PRKCA: variants seen among roughly 807,000 people sequenced by gnomAD.
PRKCA encodes protein kinase C alpha type.
A neutral mutation model predicts 87.0 loss-of-function variants in PRKCA; 27 were observed. The ratio of observed to expected loss-of-function variants is 0.31; its 90% CI spans 0.23 to 0.43. The LOEUF is 0.43. Among genes scored for constraint, PRKCA ranks in the 20% least tolerant of loss-of-function variants. PRKCA has a pLI of 1.00. For missense variants in PRKCA, 518 were observed against 852.3 expected, an observed-to-expected ratio of 0.61 and a Z score of 4.88; for synonymous variants, 329 against 311.1, an observed-to-expected ratio of 1.06 and a Z score of -0.61.
At chr17:66,560,412 A>C (rs1340879175) in intron 3 of PRKCA, among the ~76,000 whole-genome samples, 2 of 152,186 alleles carry the variant, frequency 1.3e-5, no homozygotes, top group East Asian at 3.8e-4. Context: ...GGAAAGCACA[A>C]AAAATTGTCT....
chr17:66,338,604 T>A (rs947972701), intron 2 of PRKCA, among the ~76,000 whole-genome samples: 2 of 152,138 alleles, frequency 1.3e-5, no homozygotes, highest in African/African-American at 4.8e-5. Context: ...ACATATGGGG[T>A]TTCCAGGCTG....
chr17:66,650,571 A>G (rs140563770), intron 5 of PRKCA, among the ~76,000 whole-genome samples: 1 of 152,284 alleles, frequency 6.6e-6, no homozygotes, highest in African/African-American at 2.4e-5. Context: ...AGAAGAGTCT[A>G]ATTTTCTCAA....
chr17:66,496,248 T>C lies in PRKCA; in HGVS notation c.253T>C (p.Ser85Pro). Residue 85 changes from serine to proline, a missense_variant, in exon 3 of 17, where the codon TCT becomes CCT. Ser to Pro is a moderately conservative substitution (Grantham distance 74, BLOSUM62 -1). Transcript: ENST00000413366. ...HKRCHEFVTF[S>P]CPGADKGPDT... ...GAGGTGCCATGAATTTGTTACTTTTTCTTGTCCGGGTGCGGATAAGGGACC... is the reference window on the plus strand; with the variant it reads ...GAGGTGCCATGAATTTGTTACTTTTCCTTGTCCGGGTGCGGATAAGGGACC... 1 of 1,614,192 alleles carries C rather than the reference T, an allele frequency of 6.2e-7. No homozygotes were observed. Among genetic ancestry groups the C allele is most frequent in the South Asian group, 1.1e-5 (1 of 91,084 alleles).
In PRKCA at chr17:66,731,991, T is replaced by C. The variant is rs184906178; in HGVS notation, c.919-697T>C. ...TTTTGGTAGAGACGGGGTTTCACCA[T>C]GTTGGCCAGGCTGGTCTCAAACTCC... On this transcript the variant is annotated intron_variant, in intron 8 of 16. Coordinates refer to ENST00000413366, the MANE Select transcript of PRKCA (RefSeq NM_002737.3). 2.0e-3 allele frequency among the ~76,000 whole-genome samples: 305 copies of C among 151,702 alleles called. 2 individuals carry two copies. The highest frequency in any genetic ancestry group is 4.6e-3 in the African/African-American group (191 of 41,386).
intron 2 of PRKCA, among the ~76,000 whole-genome samples, chr17:66,340,301 G>C (rs1396845136): frequency 1.3e-5 from 2 of 151,538 alleles, no homozygotes; most frequent in African/African-American, 4.9e-5. Context: ...GTTTTGGGTG[G>C]ACGACTTAGC....
At chr17:66,470,469 C>T (rs1915279299) in intron 2 of PRKCA, among the ~76,000 whole-genome samples, 1 of 151,940 alleles carries the variant, frequency 6.6e-6, no homozygotes, top group South Asian at 2.1e-4. Context: ...CTCAGGTGAT[C>T]CACCCGCCTC....
intron 3 of PRKCA, among the ~76,000 whole-genome samples, chr17:66,580,803 T>C (rs1379228605): frequency 6.6e-6 from 1 of 152,178 alleles, no homozygotes; most frequent in South Asian, 2.1e-4. Context: ...TTTACTGCAC[T>C]CCTCGTGAAG....
At chr17:66,385,458 C>T (rs1910007433) in intron 2 of PRKCA, among the ~76,000 whole-genome samples, 1 of 152,116 alleles carries the variant, frequency 6.6e-6, no homozygotes, top group Non-Finnish European at 1.5e-5. Context: ...AGGGCATTGC[C>T]CTTCTCCTCC....
chr17:66,384,006 A>G (rs540754048), intron 2 of PRKCA, among the ~76,000 whole-genome samples: 1 of 152,286 alleles, frequency 6.6e-6, no homozygotes, highest in Admixed American at 6.5e-5. Flanking sequence ...AAATATATTT[A>G]GGTATGCTAG....
At chr17:66,387,866 A>G (rs569272735) in intron 2 of PRKCA, among the ~76,000 whole-genome samples, 2 of 152,298 alleles carry the variant, frequency 1.3e-5, no homozygotes, top group East Asian at 3.9e-4. Context: ...GACCTGCCAG[A>G]TTCCTACCCA....
intron 5 of PRKCA, among the ~76,000 whole-genome samples, chr17:66,662,986 G>A (rs1320696270): frequency 2.6e-5 from 4 of 152,160 alleles, no homozygotes; most frequent in Non-Finnish European, 5.9e-5. Flanking sequence ...GATTCTGCAG[G>A]TGTTGGGAAC....
chr17:66,654,723 C>T (rs140532869), intron 5 of PRKCA, among the ~76,000 whole-genome samples: 3 of 152,322 alleles, frequency 2.0e-5, no homozygotes, highest in Non-Finnish European at 2.9e-5. Flanking sequence ...TCTGTTGGCA[C>T]CACTGGGGGT....
At chr17:66,775,518 G>A (rs1439727013) in intron 14 of PRKCA, 1 of 985,308 alleles carries the variant, frequency 1.0e-6, no homozygotes, top group East Asian at 1.1e-4. Flanking sequence ...TCACCCAGCA[G>A]ATCTCTGCCT....
intron 3 of PRKCA, among the ~76,000 whole-genome samples, chr17:66,623,654 G>C (rs1168075790): frequency 6.6e-6 from 1 of 152,190 alleles, no homozygotes; most frequent in Admixed American, 6.5e-5. Flanking sequence ...GCTACGTGTA[G>C]AATTTACATT....
chr17:66,765,824 T>A (rs921972846), intron 13 of PRKCA, among the ~76,000 whole-genome samples: 9 of 152,134 alleles, frequency 5.9e-5, no homozygotes, highest in African/African-American at 1.9e-4. Flanking sequence ...CAGTGAGGCT[T>A]TGGTTAACCA....
At chr17:66,670,826 C>T (rs1231257235) in intron 5 of PRKCA, among the ~76,000 whole-genome samples, 1 of 151,978 alleles carries the variant, frequency 6.6e-6, no homozygotes, top group Non-Finnish European at 1.5e-5. Context: ...CACACTACTA[C>T]ACTCCAGCCT....
chr17:66,302,985 A>G lies in PRKCA; in HGVS notation c.134A>G (p.Lys45Arg), dbSNP rs200801878. The change falls in exon 1 of 17, where the codon AAG (lysine) becomes AGG (arginine). Residue 45 changes from lysine (K) to arginine (R), a missense_variant. Lys to Arg is a conservative substitution (Grantham distance 26). This residue lies in a region of PRKCA where 25 missense variants were observed against 72.1 expected (regional missense o/e 0.35). Transcript: ENST00000413366. ...CACAAATTCATCGCGCGCTTCTTCA[A>G]GCAGCCCACCTTCTGCAGCCACTGC... ...KDHKFIARFF[K>R]QPTFCSHCTD... 1.7e-5 allele frequency: 28 copies of G among 1,612,100 alleles called. No individual in the cohort carries two copies. The Admixed American group carries it at 2.2e-4, about 13-fold the overall frequency.
intron 3 of PRKCA, among the ~76,000 whole-genome samples, chr17:66,520,505 A>G (rs1241132644): frequency 2.0e-5 from 3 of 151,996 alleles, no homozygotes; most frequent in Non-Finnish European, 1.5e-5. Flanking sequence ...GCCTCAAGCA[A>G]TCCTGCCTCA....
At chr17:66,572,876 C>G (rs906034671) in intron 3 of PRKCA, among the ~76,000 whole-genome samples, 1 of 152,138 alleles carries the variant, frequency 6.6e-6, no homozygotes, top group Non-Finnish European at 1.5e-5. Context: ...TATCTGTCCC[C>G]TTTTGAGTAA....
Sources: allele counts gnomAD v4.1 joint callset (sites outside exome capture counted in the v4.1 genomes callset), GRCh38; gene constraint gnomAD v4.1.1; regional missense constraint gnomAD v4.1.1; transcripts MANE v1.5; gene names NCBI Gene and HGNC (gene_info 2026-07-23, HGNC 2026-07-21).